MAP2K1: variants seen among roughly 807,000 people sequenced by gnomAD.
MAP2K1 encodes the protein mitogen-activated protein kinase kinase 1.
Under a neutral mutation model 46.3 loss-of-function variants are expected in MAP2K1, and 16 were observed. That is an observed-to-expected ratio of 0.35 (90% CI 0.23 to 0.52). The LOEUF (loss-of-function observed/expected upper bound fraction) is 0.52. Among genes scored for constraint, MAP2K1 ranks in the 20% least tolerant of loss-of-function variants. MAP2K1 has a pLI of 0.94. For missense variants in MAP2K1, 263 were observed against 497.1 expected, an observed-to-expected ratio of 0.53 and a Z score of 4.48; for synonymous variants, 183 against 185.6, an observed-to-expected ratio of 0.99 and a Z score of 0.11.
In MAP2K1 at chr15:66,485,123, G is replaced by C. The variant is rs1205184981; in HGVS notation, c.827G>C (p.Gly276Ala). Residue 276 changes from glycine (G) to alanine (A), a missense_variant, in exon 7 of 11, where the codon GGG (glycine) becomes GCG (alanine). Gly to Ala is a moderately conservative substitution (Grantham distance 60). Around this residue, in one of 4 missense-constraint regions of MAP2K1, gnomAD observed 118 missense variants for 193.0 expected, o/e 0.61. Transcript: ENST00000307102. ...GCCAAGGAGCTGGAGCTGATGTTTG[G>C]GTGCCAGGTGGAAGGAGATGCGGCT... is the stretch of plus-strand genomic sequence containing the variant. The part of the protein sequence containing the change: ...PDAKELELMF[G>A]CQVEGDAAET... The C allele has an allele frequency of 6.2e-7, 1 of 1,614,054 alleles. No individual in the cohort carries two copies. The highest frequency in any genetic ancestry group is 8.5e-7 in the Non-Finnish European group (1 of 1,180,042).
intron 5 of MAP2K1, chr15:66,446,750 C>CA: frequency 3.0e-6 from 1 of 337,662 alleles, no homozygotes; most frequent in South Asian, 2.6e-5. Flanking sequence ...TTATAGCCGG[C>CA]AAAAATGGCC....
chr15:66,469,757 T>C (rs1892575237), intron 5 of MAP2K1, among the ~76,000 whole-genome samples: 1 of 120,892 alleles, frequency 8.3e-6, no homozygotes, highest in Admixed American at 8.7e-5. Flanking sequence ...AAGCTGACTT[T>C]TAACCATTGA....
rs138290185 is a variant in MAP2K1 at position 66,424,358 on chromosome 15, C to T, written c.81-10669C>T. Reference sequence around the variant, plus strand: ...CAGGCATGAGCCACCGTGTCCAGCCCGTGTCTTGTAATTTTTGATTGAATT... The same window carrying T: ...CAGGCATGAGCCACCGTGTCCAGCCTGTGTCTTGTAATTTTTGATTGAATT... On this transcript the variant is annotated intron_variant, in intron 1 of 10. Coordinates refer to ENST00000307102, the MANE Select transcript of MAP2K1 (RefSeq NM_002755.4). Among the ~76,000 whole-genome samples the T allele has an allele frequency of 9.1e-4, 138 of 152,094 alleles. No homozygotes were observed. The East Asian group carries it at 0.02, about 22-fold the overall frequency.
chr15:66,413,525 G>T (rs1352884308), intron 1 of MAP2K1, among the ~76,000 whole-genome samples: 1 of 152,136 alleles, frequency 6.6e-6, no homozygotes, highest in Non-Finnish European at 1.5e-5. Context: ...TAAGAAAAAA[G>T]ATTATGGCAG....
chr15:66,462,368 C>T (rs1892344865), intron 5 of MAP2K1, among the ~76,000 whole-genome samples: 1 of 151,782 alleles, frequency 6.6e-6, no homozygotes, highest in African/African-American at 2.4e-5. Flanking sequence ...GGCGTAGTGG[C>T]ACATGCCTGT....
chr15:66,476,535 A>T (rs980181885), intron 5 of MAP2K1, among the ~76,000 whole-genome samples: 18 of 152,230 alleles, frequency 1.2e-4, no homozygotes, highest in African/African-American at 3.9e-4. Flanking sequence ...GCACAAGAGA[A>T]GGCGAGACTC....
chr15:66,456,151 G>T (rs185409495), intron 5 of MAP2K1, among the ~76,000 whole-genome samples: 4 of 152,310 alleles, frequency 2.6e-5, no homozygotes, highest in African/African-American at 9.6e-5. Context: ...CAAGTGCAAG[G>T]TATTAGGTGA....
chr15:66,478,890 G>T (rs747550756), intron 5 of MAP2K1, among the ~76,000 whole-genome samples: 2 of 152,146 alleles, frequency 1.3e-5, no homozygotes, highest in Non-Finnish European at 2.9e-5. Flanking sequence ...GGGGGACTTG[G>T]TCAGTTTCTT....
At chr15:66,438,605 T>TG (rs2093495127) in intron 3 of MAP2K1, among the ~76,000 whole-genome samples, 1 of 152,218 alleles carries the variant, frequency 6.6e-6, no homozygotes, top group Admixed American at 6.5e-5. Context: ...TGGAAATGAC[T>TG]GGAGTTGGTT....
At chr15:66,394,968 T>C (rs923166642) in intron 1 of MAP2K1, among the ~76,000 whole-genome samples, 2 of 152,242 alleles carry the variant, frequency 1.3e-5, no homozygotes, top group African/African-American at 4.8e-5. Context: ...AAAGATGATT[T>C]AGCCCATGGC....
At chr15:66,441,192 C>T (rs2093502701) in intron 3 of MAP2K1, among the ~76,000 whole-genome samples, 1 of 152,114 alleles carries the variant, frequency 6.6e-6, no homozygotes, top group Non-Finnish European at 1.5e-5. Context: ...TCTTGAACTC[C>T]TGGCCTCAAG....
At chr15:66,404,941 A>G (rs1445215808) in intron 1 of MAP2K1, among the ~76,000 whole-genome samples, 2 of 152,206 alleles carry the variant, frequency 1.3e-5, no homozygotes, top group Non-Finnish European at 2.9e-5. Flanking sequence ...CTGTGGGGCA[A>G]TAAGAATTGA....
rs750947705 is a variant in MAP2K1, at chr15:66,483,748, C to CTTTTT, written c.694-1229_694-1225dup. 3.0e-3 allele frequency among the ~76,000 whole-genome samples: 398 copies of CTTTTT among 131,072 alleles called. 18 individuals carry two copies. In the East Asian group the frequency reaches 0.035, roughly 12 times the overall value. 86.0% of individuals were successfully genotyped at this position (131,072 alleles called of 152,430 possible). On this transcript the variant is annotated intron_variant, in intron 6 of 10. Transcript: ENST00000307102. The stretch of plus-strand genomic sequence containing the variant: ...TTTTACAACATTTGACATACATTTT[C>CTTTTT]TTTTTTTTTTTTTTTTTGAGACGGA...
chr15:66,392,059 C>G (rs2093357132), intron 1 of MAP2K1, among the ~76,000 whole-genome samples: 1 of 152,076 alleles, frequency 6.6e-6, no homozygotes. Context: ...CATCGTCTCT[C>G]AAGTATACCT....
intron 5 of MAP2K1, 82 bp downstream of exon 5, chr15:66,444,789 T>G (rs1194866310): frequency 8.6e-7 from 1 of 1,166,120 alleles, no homozygotes; most frequent in South Asian, 1.3e-5. Context: ...TTCTATGTTT[T>G]GTTTTCGTGT....
chr15:66,439,663 G>A (rs1019146447), intron 3 of MAP2K1, among the ~76,000 whole-genome samples: 2 of 152,176 alleles, frequency 1.3e-5, no homozygotes, highest in Non-Finnish European at 2.9e-5. Flanking sequence ...CTACTTGGGA[G>A]GCTGAGGCAG....
intron 8 of MAP2K1, among the ~76,000 whole-genome samples, chr15:66,488,265 G>A (rs981981502): frequency 7.2e-5 from 11 of 152,200 alleles, no homozygotes; most frequent in Non-Finnish European, 1.6e-4. Flanking sequence ...GGGACAGTCT[G>A]CAGAATGGGG....
intron 1 of MAP2K1, among the ~76,000 whole-genome samples, chr15:66,399,071 C>G (rs2093375334): frequency 6.6e-6 from 1 of 152,116 alleles, no homozygotes; most frequent in Non-Finnish European, 1.5e-5. Context: ...CCGTGCCTGG[C>G]TGTATTGCTA....
At chr15:66,458,104 T>C (rs1476521633) in intron 5 of MAP2K1, among the ~76,000 whole-genome samples, 2 of 152,218 alleles carry the variant, frequency 1.3e-5, no homozygotes, top group Non-Finnish European at 2.9e-5. Context: ...AAGAATTAGC[T>C]GCCAAAATTT....
Sources: allele counts gnomAD v4.1 joint callset (sites outside exome capture counted in the v4.1 genomes callset), GRCh38; gene constraint gnomAD v4.1.1; regional missense constraint gnomAD v4.1.1; transcripts MANE v1.5; gene names NCBI Gene and HGNC (gene_info 2026-07-23, HGNC 2026-07-21).